SMU1: variants seen among roughly 807,000 people sequenced by gnomAD.
The protein encoded by SMU1 is WD40 repeat-containing protein SMU1.
In SMU1, 2 loss-of-function variants were observed where a neutral mutation model predicts 62.0. The ratio of observed to expected loss-of-function variants is 0.03; its 90% CI spans 0.01 to 0.10. The LOEUF (loss-of-function observed/expected upper bound fraction) is 0.10. SMU1 is among the 10% of genes least tolerant of loss of function. SMU1 has a pLI of 1.00. For missense variants in SMU1, 227 were observed against 622.1 expected (o/e 0.36, Z 6.76); for synonymous variants, 188 against 212.4 (o/e 0.89, Z 1.00).
chr9:33,044,601 G>A lies in SMU1; in HGVS notation c.*2692C>T, dbSNP rs1237322508. The A allele has an allele frequency of 1.3e-5, 2 of 152,308 alleles. No homozygotes were observed. The highest frequency in any genetic ancestry group is 6.5e-5 in the Admixed American group (1 of 15,290). 9.4% of individuals were successfully genotyped at this position (152,308 alleles called of 1,614,324 possible). On this transcript the variant is annotated 3_prime_UTR_variant, in exon 12 of 12. Transcript: ENST00000397149. ...GGCTTCAGAAAGGCTAGGCGCCGAG[G>A]AGTGTAAGCAGCGTGTGCCCATTTA...
At chr9:33,070,877 G>A (rs1162995580) in intron 3 of SMU1, among the ~76,000 whole-genome samples, 2 of 152,144 alleles carry the variant, frequency 1.3e-5, no homozygotes, top group Non-Finnish European at 2.9e-5. Flanking sequence ...TGGGAAGGGT[G>A]GAGGTGGCGG....
chr9:33,070,069 G>C (rs1304651254), intron 3 of SMU1, among the ~76,000 whole-genome samples: 1 of 152,058 alleles, frequency 6.6e-6, no homozygotes, highest in Non-Finnish European at 1.5e-5. Flanking sequence ...AGGCTGCAGT[G>C]AGCCGAGATC....
At chr9:33,072,009 G>C in intron 2 of SMU1, 117 bp from the exon 3 acceptor site, 2 of 1,048,676 alleles carry the variant, frequency 1.9e-6, no homozygotes, top group Non-Finnish European at 2.6e-6. Flanking sequence ...TCCAATACCA[G>C]GAAGTGCCCC....
intron 1 of SMU1, among the ~76,000 whole-genome samples, chr9:33,074,010 C>A (rs1839514777): frequency 6.6e-6 from 1 of 152,234 alleles, no homozygotes; most frequent in East Asian, 1.9e-4. Flanking sequence ...GAAAGGAAAT[C>A]ATTTGCCTAA....
chr9:33,056,688 G>A (rs1421392840), intron 8 of SMU1, 149 bp downstream of exon 8: 17 of 817,064 alleles, frequency 2.1e-5, no homozygotes, highest in Non-Finnish European at 3.2e-5. Context: ...TTGTACTTTG[G>A]GGACATAAGG....
At position 33,069,080 on chromosome 9, in the gene SMU1, T is replaced by G. The variant is rs1377167794; in HGVS notation, c.391-146A>C. On this transcript the variant is annotated intron_variant, in intron 3 of 11. Transcript: ENST00000397149. ...TAAAGAAGGGATTAGTTGAACTAAT[T>G]TAGTTTTTGAAAATGACTTCCCAAT... The G allele has an allele frequency of 2.6e-5, 34 of 1,308,742 alleles. 1 individual carries two copies. In the South Asian group the frequency reaches 5.7e-4, roughly 22 times the overall value. 81.1% of individuals were successfully genotyped at this position (1,308,742 alleles called of 1,614,324 possible). A position where few individuals can be genotyped will look rare whatever the true frequency, so the allele number is the denominator to read the frequency against.
chr9:33,047,908 C>T (rs1243394480), intron 11 of SMU1, among the ~76,000 whole-genome samples, 198 bp downstream of exon 11: 1 of 151,876 alleles, frequency 6.6e-6, no homozygotes, highest in Non-Finnish European at 1.5e-5. Flanking sequence ...TAGTGTTAAG[C>T]CACCGAGATT....
chr9:33,074,769 CCT>C (rs1253411228), intron 1 of SMU1, among the ~76,000 whole-genome samples: 5 of 144,366 alleles, frequency 3.5e-5, no homozygotes, highest in South Asian at 4.4e-4. Context: ...AAGCAAACAT[CCT>C]CTTTTTTTTT....
chr9:33,074,748 T>C (rs1039472300), intron 1 of SMU1, among the ~76,000 whole-genome samples: 3 of 151,592 alleles, frequency 2.0e-5, no homozygotes, highest in African/African-American at 7.3e-5. Flanking sequence ...GAGCATGTAT[T>C]CCTGAGGAGA....
chr9:33,063,626 T>C (rs955684608), intron 4 of SMU1, among the ~76,000 whole-genome samples: 1 of 151,958 alleles, frequency 6.6e-6, no homozygotes, highest in Non-Finnish European at 1.5e-5. Context: ...CATTACAGTC[T>C]GAGCTCCACC....
intron 8 of SMU1, among the ~76,000 whole-genome samples, 169 bp downstream of exon 8, chr9:33,056,668 C>G (rs547106849): frequency 1.3e-5 from 2 of 152,292 alleles, no homozygotes; most frequent in African/African-American, 4.8e-5. Context: ...GACACAACAA[C>G]AAGTGTCAGT....
At chr9:33,059,552 T>C (rs1301403233) in intron 6 of SMU1, among the ~76,000 whole-genome samples, 1 of 146,886 alleles carries the variant, frequency 6.8e-6, no homozygotes, top group African/African-American at 2.5e-5. Context: ...ATCGTGCCCC[T>C]GCACTCCAGC....
At chr9:33,063,450 A>C (rs893643237) in intron 4 of SMU1, among the ~76,000 whole-genome samples, 5 of 152,188 alleles carry the variant, frequency 3.3e-5, no homozygotes, top group African/African-American at 1.2e-4. Flanking sequence ...ATAAGCACAC[A>C]ATCAATGTTT....
At chr9:33,069,371 C>T (rs1240827810) in intron 3 of SMU1, among the ~76,000 whole-genome samples, 1 of 152,224 alleles carries the variant, frequency 6.6e-6, no homozygotes, top group African/African-American at 2.4e-5. Flanking sequence ...TAAATCCTGT[C>T]CTGGTAATCT....
chr9:33,051,077 C>T lies in SMU1; in HGVS notation c.1290+2046G>A, dbSNP rs558780864. ...CGGAGCTTGCAGTGAGCCGAGATCG[C>T]GCCACTGCACTCCAGCCTGGGCGAC... On this transcript the variant is annotated intron_variant, in intron 10 of 11. Coordinates refer to ENST00000397149, the MANE Select transcript of SMU1 (RefSeq NM_018225.3). 6.8e-4 allele frequency among the ~76,000 whole-genome samples: 72 copies of T among 106,438 alleles called. 9 individuals are homozygous for T. The highest frequency in any genetic ancestry group is 1.8e-3 in the African/African-American group (56 of 30,576). The allele number at this position is 106,438 out of a possible 152,430, so 69.8% of individuals were successfully genotyped here. A position where few individuals can be genotyped will look rare whatever the true frequency, so the allele number is the denominator to read the frequency against.
At chr9:33,063,786 CT>C (rs1004361386) in intron 4 of SMU1, among the ~76,000 whole-genome samples, 20 of 151,968 alleles carry the variant, frequency 1.3e-4, no homozygotes, top group African/African-American at 4.4e-4. Flanking sequence ...ACCCACCCCC[CT>C]GACACCCCCA....
chr9:33,074,430 C>T (rs1839519671), intron 1 of SMU1, among the ~76,000 whole-genome samples: 1 of 150,704 alleles, frequency 6.6e-6, no homozygotes, highest in South Asian at 2.1e-4. Context: ...AAGACCCCTT[C>T]TCTACACACA....
At chr9:33,047,994 A>G (rs1001761897) in intron 11 of SMU1, 112 bp downstream of exon 11, 23 of 950,188 alleles carry the variant, frequency 2.4e-5, no homozygotes, top group African/African-American at 3.3e-5. Flanking sequence ...AAAACAACAT[A>G]TTTTATACTG....
intron 8 of SMU1, among the ~76,000 whole-genome samples, chr9:33,056,456 A>G (rs11793838): frequency 0.07 from 10,725 of 152,250 alleles, 516 homozygotes; most frequent in Non-Finnish European, 0.11. Context: ...TGCCAGTAAT[A>G]CCACAAGCTT....
Sources: allele counts gnomAD v4.1 joint callset (sites outside exome capture counted in the v4.1 genomes callset), GRCh38; gene constraint gnomAD v4.1.1; transcripts MANE v1.5; gene names NCBI Gene and HGNC (gene_info 2026-07-23, HGNC 2026-07-21).